Variants in NRXN3 observed in about 807,000 individuals in gnomAD.
NRXN3 encodes neurexin 3, also known as neurexin III.
NRXN3 carries 32 observed loss-of-function variants against 137.6 expected under a neutral mutation model. That is an observed-to-expected ratio of 0.23 (90% CI 0.18 to 0.31). NRXN3 has a LOEUF of 0.31. Among genes scored for constraint, NRXN3 ranks in the 10% least tolerant of loss-of-function variants. The pLI is 1.00. For missense variants in NRXN3, 1,574 were observed against 2,062.5 expected, an observed-to-expected ratio of 0.76 and a Z score of 4.59; for synonymous variants, 798 against 784.5, an observed-to-expected ratio of 1.02 and a Z score of -0.29.
At chr14:79,064,618 G>C (rs1239648239) in intron 15 of NRXN3, among the ~76,000 whole-genome samples, 1 of 91,486 alleles carries the variant, frequency 1.1e-5, no homozygotes, top group Non-Finnish European at 2.5e-5. Flanking sequence ...TATAAAACAA[G>C]TTATATATGT....
intron 15 of NRXN3, among the ~76,000 whole-genome samples, chr14:79,394,772 C>G (rs1047409793): frequency 2.6e-5 from 4 of 152,158 alleles, no homozygotes; most frequent in African/African-American, 9.7e-5. Flanking sequence ...TTTTGAATTA[C>G]TGTCCATTTA....
At chr14:79,727,337 T>TATAG (rs2154068923) in intron 19 of NRXN3, among the ~76,000 whole-genome samples, 1 of 152,246 alleles carries the variant, frequency 6.6e-6, no homozygotes, top group South Asian at 2.1e-4. Flanking sequence ...ATTCGATAGG[T>TATAG]ATAGAATTCT....
intron 19 of NRXN3, among the ~76,000 whole-genome samples, chr14:79,780,089 C>T (rs1006139459): frequency 1.3e-5 from 2 of 151,966 alleles, no homozygotes; most frequent in South Asian, 4.1e-4. Context: ...ATCCACAATT[C>T]TATTTTCCCA....
chr14:79,588,086 G>T (rs1176903519), intron 16 of NRXN3, among the ~76,000 whole-genome samples: 1 of 152,118 alleles, frequency 6.6e-6, no homozygotes, highest in African/African-American at 2.4e-5. Context: ...ATGTGTCAAG[G>T]TGTCAATTCT....
chr14:78,395,226 A>G (rs1480930621), intron 4 of NRXN3, among the ~76,000 whole-genome samples: 1 of 151,738 alleles, frequency 6.6e-6, no homozygotes, highest in Non-Finnish European at 1.5e-5. Flanking sequence ...TATGTCCTAT[A>G]AATTTTGATA....
chr14:78,653,189 C>G (rs964818865), intron 6 of NRXN3, among the ~76,000 whole-genome samples: 3 of 152,176 alleles, frequency 2.0e-5, no homozygotes, highest in Admixed American at 6.5e-5. Context: ...TAGGCTTCTG[C>G]TGGCTTCAGA....
chr14:79,283,221 T>G (rs555154687), intron 15 of NRXN3, among the ~76,000 whole-genome samples: 1 of 152,214 alleles, frequency 6.6e-6, no homozygotes, highest in Non-Finnish European at 1.5e-5. Flanking sequence ...CACTCTCTGT[T>G]GTCTGTGAAA....
chr14:79,541,749 A>G (rs1567443399), intron 16 of NRXN3, among the ~76,000 whole-genome samples: 1 of 152,192 alleles, frequency 6.6e-6, no homozygotes, highest in Non-Finnish European at 1.5e-5. Flanking sequence ...CTAGCCAAAG[A>G]CTATCAGAAA....
intron 10 of NRXN3, among the ~76,000 whole-genome samples, chr14:78,864,904 T>C (rs936979598): frequency 7.9e-5 from 12 of 152,294 alleles, no homozygotes; most frequent in African/African-American, 1.7e-4. Context: ...AGAATACCTC[T>C]GAATGAAGGT....
chr14:78,943,620 AAATATATATATATAT>A (rs1354434725), intron 10 of NRXN3, among the ~76,000 whole-genome samples: 22 of 32,098 alleles, frequency 6.9e-4, no homozygotes, highest in South Asian at 1.1e-3. Context: ...TAAAAAAAAA[AAATATATATATATAT>A]ATATATATAT....
intron 1 of NRXN3, among the ~76,000 whole-genome samples, chr14:78,183,192 C>T (rs2059962580): frequency 6.6e-6 from 1 of 152,310 alleles, no homozygotes; most frequent in South Asian, 2.1e-4. Flanking sequence ...ACCATCAGGC[C>T]AGCCCTCTTC....
chr14:79,732,522 C>A (rs1303332612), intron 19 of NRXN3, among the ~76,000 whole-genome samples: 2 of 151,998 alleles, frequency 1.3e-5, no homozygotes, highest in Non-Finnish European at 2.9e-5. Context: ...TAATTTGCAA[C>A]CTAGTTTATG....
At chr14:79,343,335 G>A (rs750387535) in intron 15 of NRXN3, among the ~76,000 whole-genome samples, 2 of 152,138 alleles carry the variant, frequency 1.3e-5, no homozygotes, top group African/African-American at 2.4e-5. Context: ...TATAAACTAA[G>A]TTTCTCCCAA....
chr14:78,894,723 A>G (rs973223797), intron 10 of NRXN3, among the ~76,000 whole-genome samples: 2 of 151,792 alleles, frequency 1.3e-5, no homozygotes, highest in African/African-American at 4.8e-5. Flanking sequence ...TACAAAGTGT[A>G]TTTTTTAAAT....
chr14:78,294,008 AT>A (rs997187403), intron 3 of NRXN3, among the ~76,000 whole-genome samples: 21 of 151,836 alleles, frequency 1.4e-4, no homozygotes, highest in Non-Finnish European at 2.5e-4. Flanking sequence ...ACCCTAAACC[AT>A]TTTCCAAGAC....
intron 1 of NRXN3, among the ~76,000 whole-genome samples, chr14:78,215,285 T>C (rs1266088607): frequency 1.3e-5 from 2 of 152,132 alleles, no homozygotes; most frequent in East Asian, 1.9e-4. Context: ...GCATCGGCTC[T>C]ATGGAGGAGA....
intron 15 of NRXN3, among the ~76,000 whole-genome samples, chr14:79,273,900 G>T (rs1421950849): frequency 6.6e-6 from 1 of 151,532 alleles, no homozygotes; most frequent in Non-Finnish European, 1.5e-5. Context: ...TTCGAGACCA[G>T]CCTGGCCAAC....
At chr14:78,424,641 T>C (rs2093589264) in intron 4 of NRXN3, among the ~76,000 whole-genome samples, 1 of 152,246 alleles carries the variant, frequency 6.6e-6, no homozygotes. Context: ...GTATCTGGGC[T>C]GATGATTCAG....
chr14:79,755,570 T>C (rs1401513447), intron 19 of NRXN3, among the ~76,000 whole-genome samples: 2 of 152,000 alleles, frequency 1.3e-5, no homozygotes, highest in East Asian at 3.9e-4. Context: ...TTACTGTCTT[T>C]CTCTACAACT....
Sources: gnomAD v4.1 joint callset for allele counts (sites outside exome capture counted in the v4.1 genomes callset) on GRCh38, gnomAD v4.1.1 for gene constraint, MANE v1.5 for transcripts, NCBI Gene and HGNC (gene_info 2026-07-23, HGNC 2026-07-21) for gene names.